LARP1B: variants seen among roughly 807,000 people sequenced by gnomAD.
LARP1B encodes La ribonucleoprotein 1B, also known as la-related protein 1B.
A neutral mutation model predicts 114.2 loss-of-function variants in LARP1B; 76 were observed. The ratio of observed to expected loss-of-function variants is 0.67; its 90% CI spans 0.55 to 0.81. LARP1B has a LOEUF of 0.81. Ranked by LOEUF, LARP1B falls within the 30% of genes least tolerant of loss-of-function variation. LARP1B has a pLI of 0.00. For synonymous variants in LARP1B, 345 were observed against 348.0 expected (o/e 0.99, Z 0.10); for missense variants, 1,014 against 1,075.8 (o/e 0.94, Z 0.80).
chr4:128,098,346 A>G lies in LARP1B; in HGVS notation c.813+16A>G. On this transcript the variant is annotated intron_variant, in intron 8 of 19. Transcript: ENST00000326639. ...CATCTTAGAGGTAATTGCTCATTTG[A>G]TGAACAATTTGTACTTTCTGCTCAA... 1.3e-6 allele frequency: 2 copies of G among 1,590,760 alleles called. No homozygotes were observed. Among genetic ancestry groups the G allele is most frequent in the East Asian group, 4.5e-5 (2 of 44,520 alleles).
chr4:128,077,817 A>G lies in LARP1B; in HGVS notation c.72A>G (p.Lys24=), dbSNP rs747877317. 3.2e-5 allele frequency: 52 copies of G among 1,603,304 alleles called. No homozygotes were observed. Among genetic ancestry groups the G allele is most frequent in the Admixed American group, 7.0e-5 (4 of 57,310 alleles). Residue 24 remains lysine (K), a synonymous_variant, in exon 4 of 20, where the codon AAA becomes AAG. Transcript: ENST00000326639. The part of the protein sequence containing the change: ...GFQSVLSQGN[K]KPQNRKEKEE... ...AGAGCGTCCTCAGCCAAGGAAATAA[A>G]AAGCCACAAAATAGAAAAGAAAAAG...
At chr4:128,161,978 A>T (rs1433362363) in intron 11 of LARP1B, among the ~76,000 whole-genome samples, 1 of 152,160 alleles carries the variant, frequency 6.6e-6, no homozygotes, top group Non-Finnish European at 1.5e-5. Context: ...TTTTTTAATT[A>T]TAAAATCATT....
chr4:128,178,070 T>A (rs1041176887), intron 13 of LARP1B, among the ~76,000 whole-genome samples: 1 of 143,222 alleles, frequency 7.0e-6, no homozygotes, highest in African/African-American at 2.5e-5. Context: ...AGCATTATGT[T>A]ACATAAAGTT....
At chr4:128,108,030 T>C (rs1782697389) in intron 9 of LARP1B, 2 of 1,501,606 alleles carry the variant, frequency 1.3e-6, no homozygotes, top group Non-Finnish European at 1.8e-6. Flanking sequence ...TTCAAGAATG[T>C]CTATTCCCAC....
At chr4:128,111,776 G>C (rs1216629661) in intron 9 of LARP1B, among the ~76,000 whole-genome samples, 1 of 151,990 alleles carries the variant, frequency 6.6e-6, no homozygotes, top group African/African-American at 2.4e-5. Context: ...CCGCCTCCTG[G>C]GTTCAAGTGA....
intron 11 of LARP1B, chr4:128,156,331 T>C (rs1016949439): frequency 9.0e-6 from 6 of 668,248 alleles, no homozygotes; most frequent in Non-Finnish European, 1.6e-5. Context: ...ATCCCTCTAA[T>C]GAGACTAACC....
chr4:128,218,319 A>C (rs1476687073), intron 6 of LARP1B, among the ~76,000 whole-genome samples: 1 of 19,558 alleles, frequency 5.1e-5, no homozygotes, highest in East Asian at 7.3e-4. Context: ...GGAACCAAAA[A>C]AGAGCCCGCG....
chr4:128,097,910 G>A (rs768469527), intron 7 of LARP1B, among the ~76,000 whole-genome samples: 1 of 152,002 alleles, frequency 6.6e-6, no homozygotes, highest in Non-Finnish European at 1.5e-5. Context: ...GGTAAAATGA[G>A]CAGCTTAATT....
chr4:128,207,236 A>G lies in LARP1B; in HGVS notation c.2420-20A>G, dbSNP rs149244668. Reference sequence around the variant, plus strand: ...TAAAATTTCATATAATTCATAATGTATATTATTCTTTGTTATTAGGTCAGC... The same window carrying G: ...TAAAATTTCATATAATTCATAATGTGTATTATTCTTTGTTATTAGGTCAGC... On this transcript the variant is annotated intron_variant, in intron 18 of 19. Transcript: ENST00000326639. 3,090 of 1,186,196 alleles carry G rather than the reference A, an allele frequency of 2.6e-3. 4 individuals carry two copies. Among genetic ancestry groups the G allele is most frequent in the Non-Finnish European group, 3.2e-3 (2,776 of 877,348 alleles). 73.5% of individuals were successfully genotyped at this position (1,186,196 alleles called of 1,614,324 possible).
chr4:128,131,732 T>C (rs1275751663), intron 11 of LARP1B, among the ~76,000 whole-genome samples: 1 of 152,062 alleles, frequency 6.6e-6, no homozygotes, highest in Non-Finnish European at 1.5e-5. Context: ...AAATAATACA[T>C]AAATTAAAAT....
intron 15 of LARP1B, among the ~76,000 whole-genome samples, chr4:128,191,482 A>G (rs1417077250): frequency 6.6e-6 from 1 of 152,082 alleles, no homozygotes; most frequent in Non-Finnish European, 1.5e-5. Flanking sequence ...TGGGCACTAG[A>G]TGGCGCCTTA....
At position 128,070,040 on chromosome 4, in the gene LARP1B, C is replaced by T. The variant is rs57570734; in HGVS notation, c.-77-4420C>T. On this transcript the variant is annotated intron_variant, in intron 1 of 19. Transcript: ENST00000326639. ...TCATCTTAAGATAATTTACTGAGGC[C>T]GAGCGCAGTGGCTCACACCCGTAAT... Among the ~76,000 whole-genome samples, 751 of 152,226 alleles carry T rather than the reference C, an allele frequency of 4.9e-3. 3 individuals carry two copies. The highest frequency in any genetic ancestry group is 0.017 in the African/African-American group (707 of 41,534).
intron 11 of LARP1B, among the ~76,000 whole-genome samples, chr4:128,145,838 G>A (rs1275523974): frequency 6.6e-6 from 1 of 152,130 alleles, no homozygotes; most frequent in Non-Finnish European, 1.5e-5. Context: ...CAGTTTTATG[G>A]TTATTTACAT....
At chr4:128,083,841 C>T (rs1198518902) in intron 5 of LARP1B, among the ~76,000 whole-genome samples, 42 of 147,852 alleles carry the variant, frequency 2.8e-4, no homozygotes, top group East Asian at 8.4e-4. Context: ...GGCTGCCGGG[C>T]GGAGACGCTC....
chr4:128,083,070 C>A (rs1031139271), intron 5 of LARP1B, among the ~76,000 whole-genome samples: 12 of 152,062 alleles, frequency 7.9e-5, no homozygotes, highest in Middle Eastern at 3.4e-3. Flanking sequence ...CATCTTGCAC[C>A]GCCCTTAATC....
chr4:128,219,955 G>T (rs896889052), intron 6 of LARP1B, among the ~76,000 whole-genome samples: 1 of 152,026 alleles, frequency 6.6e-6, no homozygotes, highest in African/African-American at 2.4e-5. Context: ...GCACGATCTC[G>T]GCTCACTGTA....
At chr4:128,065,219 C>A (rs1761921786) in intron 1 of LARP1B, among the ~76,000 whole-genome samples, 1 of 107,504 alleles carries the variant, frequency 9.3e-6, no homozygotes, top group Admixed American at 9.7e-5. Context: ...TGGTCTCTTC[C>A]CAACACTGAC....
intron 15 of LARP1B, among the ~76,000 whole-genome samples, chr4:128,186,770 T>TTTTAGAGACCTCCCGCCGCA: frequency 6.6e-6 from 1 of 152,290 alleles, no homozygotes; most frequent in East Asian, 1.9e-4. Context: ...CTTGTAGGCA[T>TTTTAGAGACCTCCCGCCGCA]TTTAGAGACC....
At chr4:128,135,125 A>C (rs919478162) in intron 11 of LARP1B, among the ~76,000 whole-genome samples, 1 of 150,874 alleles carries the variant, frequency 6.6e-6, no homozygotes, top group Non-Finnish European at 1.5e-5. Flanking sequence ...AAATAAATAA[A>C]TAAATAAATA....
Sources: allele counts gnomAD v4.1 joint callset (sites outside exome capture counted in the v4.1 genomes callset), GRCh38; gene constraint gnomAD v4.1.1; transcripts MANE v1.5; gene names NCBI Gene and HGNC (gene_info 2026-07-23, HGNC 2026-07-21).